The following JHY variants were observed in gnomAD, a reference collection of about 807,000 sequenced individuals.
JHY encodes the protein junctional cadherin complex regulator, also known as jhy protein homolog.
JHY carries 69 observed loss-of-function variants against 78.0 expected under a neutral mutation model. The observed-to-expected ratio is 0.88, with a 90% CI of 0.73 to 1.08. The LOEUF (loss-of-function observed/expected upper bound fraction) is 1.08. Ranked by LOEUF, JHY falls within the 50% of genes least tolerant of loss-of-function variation. JHY has a pLI of 0.00. For missense variants in JHY, 944 were observed against 927.8 expected, an observed-to-expected ratio of 1.02 and a Z score of -0.23; for synonymous variants, 368 against 342.6, an observed-to-expected ratio of 1.07 and a Z score of -0.82.
At chr11:122,957,081 T>C (rs1864208841) in intron 7 of JHY, among the ~76,000 whole-genome samples, 1 of 152,152 alleles carries the variant, frequency 6.6e-6, no homozygotes, top group South Asian at 2.1e-4. Flanking sequence ...TGAAAATAAA[T>C]TGGGTAAATG....
Position 122,903,975 on chromosome 11 carries a change from G to A in JHY, c.395G>A (p.Trp132Ter), listed in dbSNP as rs986624602. 6.2e-7 allele frequency: 1 copy of A among 1,613,206 alleles called. No individual in the cohort carries two copies. ...KYSDLRYDPN[W>*]KSKKEEGQLL... The stretch of plus-strand genomic sequence containing the variant: ...TCAGACCTCCGCTATGACCCGAACT[G>A]GAAGAGTAAGAAGGAGGAAGGGCAG... Residue 132 changes from tryptophan to a stop codon, truncating the protein, a stop_gained, in exon 3 of 9, where the codon TGG (tryptophan) becomes TAG (stop). Coordinates refer to ENST00000227349, the MANE Select transcript of JHY (RefSeq NM_024806.4). LOFTEE classifies it high-confidence loss of function.
At chr11:122,914,921 A>G (rs1183381639) in intron 3 of JHY, among the ~76,000 whole-genome samples, 3 of 152,084 alleles carry the variant, frequency 2.0e-5, no homozygotes, top group Non-Finnish European at 2.9e-5. Flanking sequence ...ATTTTTTTCA[A>G]TACGAGCCAT....
intron 2 of JHY, among the ~76,000 whole-genome samples, chr11:122,895,633 CCTAGGCAT>C (rs1862725390): frequency 6.6e-6 from 1 of 152,160 alleles, no homozygotes; most frequent in Non-Finnish European, 1.5e-5. Flanking sequence ...CCGTTTCTAA[CCTAGGCAT>C]CTGAAGAGCA....
rs758051837 is a variant in JHY, at chr11:122,946,600, C to A, written c.1737C>A (p.Thr579=). 6.2e-7 allele frequency: 1 copy of A among 1,613,970 alleles called. No individual in the cohort carries two copies. Among genetic ancestry groups the A allele is most frequent in the African/African-American group, 1.3e-5 (1 of 75,004 alleles). The change falls in exon 6 of 9, where the codon ACC becomes ACA. Residue 579 remains threonine (T), a synonymous_variant. Coordinates refer to ENST00000227349, the MANE Select transcript of JHY (RefSeq NM_024806.4). The part of the protein sequence containing the change: ...EQHQQALVQL[T]DVQPSEGALS... The stretch of plus-strand genomic sequence containing the variant: ...ATCAGCAAGCCTTGGTGCAGCTGAC[C>A]GACGTGCAGCCCAGTGAAGGGGCCT...
intron 3 of JHY, among the ~76,000 whole-genome samples, chr11:122,919,158 C>A (rs1421213484): frequency 6.6e-6 from 1 of 151,766 alleles, no homozygotes; most frequent in African/African-American, 2.4e-5. Flanking sequence ...TCGGGACCAG[C>A]CTGGCTAACA....
chr11:122,957,437 A>C lies in JHY; in HGVS notation c.2085A>C (p.Leu695=). The C allele has an allele frequency of 1.3e-6, 2 of 1,538,742 alleles. No homozygotes were observed. The highest frequency in any genetic ancestry group is 1.4e-5 in the African/African-American group (1 of 69,418). Residue 695 remains leucine (L), a synonymous_variant, in exon 8 of 9, where the codon CTA becomes CTC. Coordinates refer to ENST00000227349, the MANE Select transcript of JHY (RefSeq NM_024806.4). ...ACAACATGAAGACACTATCCATTCT[A>C]TCAAAACCACAAACAGAAAAAACTC... ...KEYNMKTLSI[L]SKPQTEKTQK... is the part of the protein sequence containing the mutation.
At chr11:122,886,668 G>A (rs752484404) in intron 2 of JHY, among the ~76,000 whole-genome samples, 1 of 152,106 alleles carries the variant, frequency 6.6e-6, no homozygotes, top group Non-Finnish European at 1.5e-5. Flanking sequence ...GGTTGGTCTT[G>A]AACTCCTAGC....
rs1193530623 is a variant in JHY, at chr11:122,962,313, C to T, written c.*2868C>T. Among the ~76,000 whole-genome samples, 2 of 152,040 alleles carry T rather than the reference C, an allele frequency of 1.3e-5. No individual in the cohort carries two copies. Among genetic ancestry groups the T allele is most frequent in the African/African-American group, 2.4e-5 (1 of 41,378 alleles). On this transcript the variant is annotated 3_prime_UTR_variant, in exon 9 of 9. Transcript: ENST00000227349. ...TGTAAGGACTAGCTTTGGAAATGTA[C>T]TCCTATGTTGTATACATTTTACATA...
chr11:122,941,956 CTG>C (rs1863882229), intron 5 of JHY, among the ~76,000 whole-genome samples: 9 of 152,280 alleles, frequency 5.9e-5, no homozygotes, highest in Admixed American at 5.9e-4. Context: ...ATTGCAACCT[CTG>C]CCTCCCAGGT....
chr11:122,891,359 G>C (rs1164061055), intron 2 of JHY, among the ~76,000 whole-genome samples: 1 of 152,132 alleles, frequency 6.6e-6, no homozygotes, highest in Non-Finnish European at 1.5e-5. Context: ...ATATGGATGA[G>C]AGAAAACCTT....
In JHY at chr11:122,960,948, A is replaced by G. The variant is rs1266430927; in HGVS notation, c.*1503A>G. 2.7e-6 allele frequency: 2 copies of G among 728,826 alleles called. No individual in the cohort carries two copies. Among genetic ancestry groups the G allele is most frequent in the East Asian group, 2.6e-5 (1 of 38,614 alleles). 45.1% of individuals were successfully genotyped at this position (728,826 alleles called of 1,614,324 possible). On this transcript the variant is annotated 3_prime_UTR_variant, in exon 9 of 9. Transcript: ENST00000227349. ...GGACTATCATATATCTGTGCAGAAC[A>G]TGATGCGTTGAAAGGAACAAGAGCA...
rs1321673514 is a variant in JHY, at chr11:122,934,774, C to T, written c.1333C>T (p.Pro445Ser). 1 of 1,614,052 alleles carries T rather than the reference C, an allele frequency of 6.2e-7. No homozygotes were observed. Among genetic ancestry groups the T allele is most frequent in the East Asian group, 2.2e-5 (1 of 44,904 alleles). The change falls in exon 5 of 9, where the codon CCA (proline) becomes TCA (serine). Residue 445 changes from proline to serine, a missense_variant. Physicochemically the swap from Pro to Ser is moderately conservative, Grantham distance 74 (BLOSUM62 -1). Coordinates refer to ENST00000227349, the MANE Select transcript of JHY (RefSeq NM_024806.4). The part of the protein sequence containing the change: ...LKETSNTFAP[P>S]KQAFDKVLSK... ...AGAAACCTCCAATACATTTGCTCCA[C>T]CAAAACAGGCTTTTGACAAGGTCTT...
intron 6 of JHY, among the ~76,000 whole-genome samples, chr11:122,948,474 A>G (rs968887968): frequency 2.4e-5 from 3 of 126,052 alleles, no homozygotes; most frequent in Non-Finnish European, 5.2e-5. Flanking sequence ...TAATAATAAT[A>G]ATAATGATTT....
chr11:122,961,429 GATTCTCCTGTCTCAGCCTCCCTTCAAGCA>G lies in JHY; in HGVS notation c.*2006_*2034del, dbSNP rs1163402682. On this transcript the variant is annotated 3_prime_UTR_variant, in exon 9 of 9. Transcript: ENST00000227349. ...GCAACTCCGCCTCCTGGATTCAAGC[GATTCTCCTGTCTCAGCCTCCCTTCAAGCA>G]ATTCTCCTGTCTCAGCCTCCCGAGT... Among the ~76,000 whole-genome samples the G allele has an allele frequency of 1.3e-4, 20 of 152,028 alleles. 1 individual carries two copies. The highest frequency in any genetic ancestry group is 1.2e-3 in the Admixed American group (18 of 15,258).
chr11:122,957,462 C>G lies in JHY; in HGVS notation c.2110C>G (p.Gln704Glu), dbSNP rs772834811. 15 of 1,505,148 alleles carry G rather than the reference C, an allele frequency of 1.0e-5. No homozygotes were observed. The highest frequency in any genetic ancestry group is 1.3e-5 in the Non-Finnish European group (15 of 1,133,224). The allele number at this position is 1,505,148 out of a possible 1,614,324, so 93.2% of individuals were successfully genotyped here. Residue 704 changes from glutamine (Q) to glutamate (E), a missense_variant, in exon 8 of 9, where the codon CAA becomes GAA. Transcript: ENST00000227349. The stretch of plus-strand genomic sequence containing the variant: ...ATCAAAACCACAAACAGAAAAAACT[C>G]AAAAGAAATCTGCTATCCCTCGGCA... ...ILSKPQTEKT[Q>E]KKSAIPRQKA...
chr11:122,895,105 G>C (rs1862711944), intron 2 of JHY, among the ~76,000 whole-genome samples: 1 of 152,102 alleles, frequency 6.6e-6, no homozygotes, highest in Admixed American at 6.5e-5. Flanking sequence ...ATAGAATTCA[G>C]AAATCCTTGG....
intron 5 of JHY, among the ~76,000 whole-genome samples, chr11:122,941,181 A>G (rs1387163348): frequency 2.0e-5 from 3 of 152,318 alleles, no homozygotes; most frequent in African/African-American, 7.2e-5. Flanking sequence ...TTTGAGAGCT[A>G]TGTGTTCTCA....
At chr11:122,900,504 C>G (rs1463945171) in intron 2 of JHY, among the ~76,000 whole-genome samples, 1 of 131,336 alleles carries the variant, frequency 7.6e-6, no homozygotes, top group Non-Finnish European at 1.6e-5. Context: ...ATATGCCATA[C>G]TACCAGCTTT....
chr11:122,957,657 A>G (rs1407964439), intron 8 of JHY, among the ~76,000 whole-genome samples, 166 bp downstream of exon 8: 2 of 150,638 alleles, frequency 1.3e-5, no homozygotes, highest in East Asian at 3.9e-4. Context: ...AGCCTCCCCA[A>G]GTGTTGGGAG....
Sources: allele counts gnomAD v4.1 joint callset (sites outside exome capture counted in the v4.1 genomes callset), GRCh38; gene constraint gnomAD v4.1.1; transcripts MANE v1.5; gene names NCBI Gene and HGNC (gene_info 2026-07-23, HGNC 2026-07-21).